Variants in TRAPPC3L observed in about 807,000 individuals in gnomAD.
The protein encoded by TRAPPC3L is trafficking protein particle complex subunit 3-like protein.
Under a neutral mutation model 23.7 loss-of-function variants are expected in TRAPPC3L, and 23 were observed. That is an observed-to-expected ratio of 0.97 (90% CI 0.70 to 1.37). The LOEUF (loss-of-function observed/expected upper bound fraction) is 1.37, where lower values mean the gene tolerates loss of function less well. Ranked by LOEUF, TRAPPC3L falls within the 40% of genes most tolerant of loss-of-function variation. The pLI is 0.00. For synonymous variants in TRAPPC3L, 81 were observed against 77.9 expected (o/e 1.04, Z -0.21); for missense variants, 212 against 216.8 (o/e 0.98, Z 0.14).
At chr6:116,509,570 T>C (rs1230745414) in intron 3 of TRAPPC3L, among the ~76,000 whole-genome samples, 2 of 151,966 alleles carry the variant, frequency 1.3e-5, no homozygotes, top group Non-Finnish European at 2.9e-5. Context: ...AAACATAAAC[T>C]GGGGAAAGGA....
intron 2 of TRAPPC3L, 106 bp from the exon 3 acceptor site, chr6:116,540,568 C>A: frequency 1.9e-6 from 2 of 1,074,642 alleles, no homozygotes; most frequent in South Asian, 1.5e-5. Context: ...AAGTGAATCA[C>A]AAATCAAACC....
At chr6:116,533,396 T>A (rs1772861676) in intron 3 of TRAPPC3L, among the ~76,000 whole-genome samples, 1 of 152,228 alleles carries the variant, frequency 6.6e-6, no homozygotes, top group East Asian at 1.9e-4. Flanking sequence ...CTATTTTGTG[T>A]CTTCAGTGGC....
intron 4 of TRAPPC3L, among the ~76,000 whole-genome samples, chr6:116,498,323 T>G (rs533037346): frequency 4.6e-5 from 7 of 152,316 alleles, no homozygotes; most frequent in African/African-American, 1.7e-4. Context: ...CTTGATCTCA[T>G]GGCCACCGAC....
chr6:116,532,434 C>T (rs999017966), intron 3 of TRAPPC3L, among the ~76,000 whole-genome samples: 3 of 152,140 alleles, frequency 2.0e-5, no homozygotes, highest in Admixed American at 2.0e-4. Context: ...TTCACTTTAA[C>T]AGTATTTAAT....
chr6:116,512,150 G>T, intron 3 of TRAPPC3L: 1 of 1,613,424 alleles, frequency 6.2e-7, no homozygotes, highest in Middle Eastern at 1.7e-4. Flanking sequence ...GTGCTGGGAA[G>T]AACTTCACAA....
At chr6:116,508,299 G>A (rs1275824396) in intron 3 of TRAPPC3L, among the ~76,000 whole-genome samples, 2 of 152,144 alleles carry the variant, frequency 1.3e-5, no homozygotes, top group African/African-American at 4.8e-5. Flanking sequence ...ATGTTTGCCA[G>A]GTAGACAAGA....
intron 3 of TRAPPC3L, chr6:116,518,090 T>C (rs915691066): frequency 1.1e-4 from 16 of 152,164 alleles, no homozygotes; most frequent in African/African-American, 3.6e-4. Flanking sequence ...TAAAGCCCTT[T>C]CCTGAGTTCT....
intron 3 of TRAPPC3L, among the ~76,000 whole-genome samples, chr6:116,533,902 A>C (rs1207167425): frequency 1.3e-5 from 2 of 152,128 alleles, no homozygotes; most frequent in African/African-American, 4.8e-5. Context: ...CTTACACCCT[A>C]ATGTGAGTTT....
intron 1 of TRAPPC3L, among the ~76,000 whole-genome samples, chr6:116,545,109 AT>A (rs1773698428): frequency 1.4e-5 from 2 of 145,488 alleles, no homozygotes; most frequent in African/African-American, 2.8e-5. Context: ...ATACACACAT[AT>A]ATATATACAT....
At chr6:116,510,129 C>T (rs1772084172) in intron 3 of TRAPPC3L, among the ~76,000 whole-genome samples, 1 of 152,138 alleles carries the variant, frequency 6.6e-6, no homozygotes, top group African/African-American at 2.4e-5. Flanking sequence ...CAATGAGATA[C>T]CACCTTATTC....
intron 3 of TRAPPC3L, among the ~76,000 whole-genome samples, chr6:116,539,734 T>G (rs1773320062): frequency 6.6e-6 from 1 of 152,156 alleles, no homozygotes; most frequent in African/African-American, 2.4e-5. Flanking sequence ...TTTGTAAACC[T>G]GGAGACACGC....
intron 3 of TRAPPC3L, among the ~76,000 whole-genome samples, chr6:116,508,401 A>G (rs1181425545): frequency 6.6e-6 from 1 of 152,196 alleles, no homozygotes; most frequent in African/African-American, 2.4e-5. Context: ...GGGAATCTCT[A>G]CATCTATCAA....
chr6:116,538,290 C>G (rs1773219587), intron 3 of TRAPPC3L, among the ~76,000 whole-genome samples: 1 of 152,168 alleles, frequency 6.6e-6, no homozygotes, highest in Admixed American at 6.5e-5. Flanking sequence ...AGCCAATATT[C>G]TCTGGGCCAA....
intron 3 of TRAPPC3L, among the ~76,000 whole-genome samples, chr6:116,539,742 C>T (rs922038650): frequency 3.9e-5 from 6 of 152,042 alleles, no homozygotes; most frequent in Non-Finnish European, 7.4e-5. Context: ...CCTGGAGACA[C>T]GCGTATCTTC....
chr6:116,501,897 T>TA (rs1452194574), intron 3 of TRAPPC3L, among the ~76,000 whole-genome samples: 1 of 152,116 alleles, frequency 6.6e-6, no homozygotes, highest in East Asian at 1.9e-4. Flanking sequence ...CAAAGGTAGA[T>TA]AAAACCACAA....
chr6:116,536,427 G>A (rs573758465), intron 3 of TRAPPC3L, among the ~76,000 whole-genome samples: 37 of 152,324 alleles, frequency 2.4e-4, no homozygotes, highest in African/African-American at 8.4e-4. Flanking sequence ...GGAAACAAGA[G>A]AGGGGAATGT....
chr6:116,512,127 G>A (rs1209203752), intron 3 of TRAPPC3L: 1 of 1,613,980 alleles, frequency 6.2e-7, no homozygotes, highest in Middle Eastern at 1.7e-4. Context: ...ATTTGCAAGG[G>A]TAAGCCCAAA....
chr6:116,496,033 C>A lies in TRAPPC3L; in HGVS notation c.*921G>T, dbSNP rs1771829348. 1 of 152,172 alleles carries A rather than the reference C, an allele frequency of 6.6e-6. No homozygotes were observed. The highest frequency in any genetic ancestry group is 1.5e-5 in the Non-Finnish European group (1 of 68,026). 9.4% of individuals were successfully genotyped at this position (152,172 alleles called of 1,614,324 possible). A position where few individuals can be genotyped will look rare whatever the true frequency, so the allele number is the denominator to read the frequency against. ...CTTGCAATTTGGGCTCTCTGCAGAG[C>A]CCAGTAGATTCTGGGCTGCCTTGTA... is the stretch of plus-strand genomic sequence containing the variant. On this transcript the variant is annotated 3_prime_UTR_variant, in exon 5 of 5. Transcript: ENST00000368602.
chr6:116,507,055 A>G lies in TRAPPC3L; in HGVS notation c.241-6389T>C, dbSNP rs188275334. ...TAAAAATAAATACTATTTTTAATGTATAGAATATTGTAAGAGGATAATTTT... is the reference window on the plus strand; with the variant it reads ...TAAAAATAAATACTATTTTTAATGTGTAGAATATTGTAAGAGGATAATTTT... On this transcript the variant is annotated intron_variant, in intron 3 of 4. Coordinates refer to ENST00000368602, the MANE Select transcript of TRAPPC3L (RefSeq NM_001139444.3). Among the ~76,000 whole-genome samples, 237 of 152,208 alleles carry G rather than the reference A, an allele frequency of 1.6e-3. 1 individual carries two copies. Among genetic ancestry groups the G allele is most frequent in the Middle Eastern group, 6.8e-3 (2 of 294 alleles).
Sources: gnomAD v4.1 joint callset for allele counts (sites outside exome capture counted in the v4.1 genomes callset) on GRCh38, gnomAD v4.1.1 for gene constraint, MANE v1.5 for transcripts, NCBI Gene and HGNC (gene_info 2026-07-23, HGNC 2026-07-21) for gene names.